ASPRV1: variants seen among roughly 807,000 people sequenced by gnomAD.
ASPRV1 encodes aspartic peptidase retroviral like 1, also known as retroviral-like aspartic protease 1.
A neutral mutation model predicts 11.0 loss-of-function variants in ASPRV1; 7 were observed. The observed-to-expected ratio is 0.64, with a 90% confidence interval of 0.36 to 1.20. ASPRV1 has a LOEUF of 1.20. Among genes scored for constraint, ASPRV1 ranks in the 50% most tolerant of loss-of-function variants. The pLI, the probability that ASPRV1 is intolerant of heterozygous loss-of-function variation, is 0.02. For missense variants in ASPRV1, 299 were observed against 320.0 expected, an observed-to-expected ratio of 0.93 and a Z score of 0.50; for synonymous variants, 136 against 138.4, an observed-to-expected ratio of 0.98 and a Z score of 0.12.
the ASPRV1 span, among the ~76,000 whole-genome samples, chr2:69,974,675 T>C: frequency 1.3e-5 from 2 of 152,260 alleles, no homozygotes; most frequent in Non-Finnish European, 2.9e-5. Context: ...AGTCTGCTCC[T>C]CTGTGGGCTG....
At chr2:70,018,356 G>T in the ASPRV1 span, among the ~76,000 whole-genome samples, 1 of 151,814 alleles carries the variant, frequency 6.6e-6, no homozygotes, top group Non-Finnish European at 1.5e-5. Flanking sequence ...TACCCAAAAT[G>T]ACCTACAGAT....
At chr2:70,047,963 G>T in the ASPRV1 span, among the ~76,000 whole-genome samples, 1 of 151,644 alleles carries the variant, frequency 6.6e-6, no homozygotes, top group African/African-American at 2.4e-5. Context: ...ACAAAAATTA[G>T]CTGGGCGTGG....
At chr2:69,997,141 G>A in the ASPRV1 span, among the ~76,000 whole-genome samples, 1 of 148,812 alleles carries the variant, frequency 6.7e-6, no homozygotes, top group African/African-American at 2.5e-5. Flanking sequence ...AGCTATGATC[G>A]CACCACTGCA....
the ASPRV1 span, among the ~76,000 whole-genome samples, chr2:70,001,913 T>C: frequency 6.6e-6 from 1 of 152,158 alleles, no homozygotes; most frequent in Non-Finnish European, 1.5e-5. Flanking sequence ...AATAAAAATT[T>C]CATTGACAAG....
chr2:70,086,895 G>C, the ASPRV1 span: 1 of 152,262 alleles, frequency 6.6e-6, no homozygotes, highest in African/African-American at 2.4e-5. Flanking sequence ...CCGCCGCCGG[G>C]GAGCAGGAGC....
the ASPRV1 span, among the ~76,000 whole-genome samples, chr2:70,016,692 A>G: frequency 1.3e-5 from 2 of 152,060 alleles, no homozygotes; most frequent in African/African-American, 4.8e-5. Flanking sequence ...GAAAATACAA[A>G]AACTAGCCAG....
chr2:69,948,884 A>G, the ASPRV1 span, among the ~76,000 whole-genome samples: 1 of 150,218 alleles, frequency 6.7e-6, no homozygotes, highest in Admixed American at 6.6e-5. Flanking sequence ...CCCTGTCTAC[A>G]CCCCACCCCT....
chr2:69,944,966 C>G, the ASPRV1 span, among the ~76,000 whole-genome samples: 1 of 152,146 alleles, frequency 6.6e-6, no homozygotes, highest in Non-Finnish European at 1.5e-5. Flanking sequence ...TACTTAGGCC[C>G]TGGAGTCCCC....
the ASPRV1 span, among the ~76,000 whole-genome samples, chr2:70,072,504 C>G: frequency 6.6e-6 from 1 of 151,800 alleles, no homozygotes; most frequent in African/African-American, 2.4e-5. Flanking sequence ...GGGAGGATCA[C>G]TTGAGGTCAG....
chr2:69,968,116 A>C, the ASPRV1 span, among the ~76,000 whole-genome samples: 1 of 152,118 alleles, frequency 6.6e-6, no homozygotes, highest in African/African-American at 2.4e-5. Context: ...TTCCAAATAA[A>C]GTTTTTTAAT....
At chr2:69,966,406 C>T (rs1368835325), upstream of ASPRV1, among the ~76,000 whole-genome samples, 1 of 152,220 alleles carries the variant, frequency 6.6e-6, no homozygotes, top group Non-Finnish European at 1.5e-5. Context: ...CCACGGAGGG[C>T]CAGGGCCCTG....
chr2:70,052,656 T>C, the ASPRV1 span, among the ~76,000 whole-genome samples: 5 of 152,326 alleles, frequency 3.3e-5, no homozygotes, highest in South Asian at 1.0e-3. Context: ...CCTTTCTCTC[T>C]TCTTCCCAGA....
At chr2:70,047,208 G>T in the ASPRV1 span, among the ~76,000 whole-genome samples, 1 of 152,146 alleles carries the variant, frequency 6.6e-6, no homozygotes, top group Admixed American at 6.6e-5. Flanking sequence ...TAGTGAGAGT[G>T]GGTAAGAACA....
chr2:69,948,626 C>T, the ASPRV1 span, among the ~76,000 whole-genome samples: 5 of 152,150 alleles, frequency 3.3e-5, no homozygotes, highest in African/African-American at 1.2e-4. Flanking sequence ...AATACCGCAG[C>T]TCGCCCTGGA....
At chr2:69,941,197 G>C in the ASPRV1 span, 1 of 152,310 alleles carries the variant, frequency 6.6e-6, no homozygotes, top group African/African-American at 2.4e-5. Flanking sequence ...CATAACGCAA[G>C]TGGGAAAAAT....
chr2:70,018,252 A>C, the ASPRV1 span: 2 of 152,194 alleles, frequency 1.3e-5, no homozygotes, highest in African/African-American at 4.8e-5. Context: ...CACTGTTGAA[A>C]CACTGACGAA....
chr2:70,072,490 A>C, the ASPRV1 span, among the ~76,000 whole-genome samples: 1 of 151,868 alleles, frequency 6.6e-6, no homozygotes, highest in Admixed American at 6.6e-5. Flanking sequence ...TGGGAGGCCG[A>C]GGCGGGAGGA....
chr2:70,061,252 G>A, the ASPRV1 span, among the ~76,000 whole-genome samples: 20 of 151,972 alleles, frequency 1.3e-4, no homozygotes, highest in African/African-American at 2.4e-4. Flanking sequence ...AAAATTAGCC[G>A]GGCATGGTGG....
chr2:70,005,234 A>G, the ASPRV1 span, among the ~76,000 whole-genome samples: 1 of 152,078 alleles, frequency 6.6e-6, no homozygotes, highest in South Asian at 2.1e-4. Context: ...TAATTTTTAA[A>G]CTTTTTGTGG....
Sources: gnomAD v4.1 joint callset for allele counts (sites outside exome capture counted in the v4.1 genomes callset) on GRCh38, gnomAD v4.1.1 for gene constraint, MANE v1.5 for transcripts, NCBI Gene and HGNC (gene_info 2026-07-23, HGNC 2026-07-21) for gene names.